Variants in ANKRD6 observed in about 807,000 individuals in gnomAD.
ANKRD6 encodes ankyrin repeat domain 6.
Under a neutral mutation model 82.3 loss-of-function variants are expected in ANKRD6, and 56 were observed. The observed-to-expected ratio is 0.68, with a 90% CI of 0.55 to 0.85. The LOEUF (loss-of-function observed/expected upper bound fraction) is 0.85. Among genes scored for constraint, ANKRD6 ranks in the 40% least tolerant of loss-of-function variants. ANKRD6 has a pLI of 0.00. For synonymous variants in ANKRD6, 347 were observed against 352.1 expected (o/e 0.99, Z 0.16); for missense variants, 852 against 907.6 (o/e 0.94, Z 0.79).
At chr6:89,543,200 A>T (rs1227120599) in intron 1 of ANKRD6, among the ~76,000 whole-genome samples, 1 of 152,210 alleles carries the variant, frequency 6.6e-6, no homozygotes, top group Non-Finnish European at 1.5e-5. Flanking sequence ...TTTATGAGTG[A>T]TGGCTGCCAG....
At chr6:89,545,212 CAAAAAAA>C (rs754348482) in intron 1 of ANKRD6, among the ~76,000 whole-genome samples, 9 of 86,370 alleles carry the variant, frequency 1.0e-4, no homozygotes, top group African/African-American at 1.9e-4. Context: ...GACTCCATCT[CAAAAAAA>C]AAAAAAAAAA....
At chr6:89,438,084 T>A (rs908867710) in intron 1 of ANKRD6, among the ~76,000 whole-genome samples, 1 of 152,262 alleles carries the variant, frequency 6.6e-6, no homozygotes, top group Admixed American at 6.5e-5. Flanking sequence ...CTTATACATA[T>A]GATTCCTCAA....
intron 1 of ANKRD6, among the ~76,000 whole-genome samples, chr6:89,532,025 G>A (rs1041916128): frequency 1.3e-5 from 2 of 152,126 alleles, no homozygotes; most frequent in African/African-American, 4.8e-5. Context: ...CCAATGTTGC[G>A]GATGAAGTCT....
chr6:89,512,071 G>C (rs1250836225), intron 1 of ANKRD6, among the ~76,000 whole-genome samples: 1 of 152,086 alleles, frequency 6.6e-6, no homozygotes, highest in Non-Finnish European at 1.5e-5. Flanking sequence ...AAGCCTGACA[G>C]TTTGGTCTTA....
At chr6:89,620,638 C>G (rs1802871058) in intron 9 of ANKRD6, among the ~76,000 whole-genome samples, 1 of 152,176 alleles carries the variant, frequency 6.6e-6, no homozygotes, top group African/African-American at 2.4e-5. Flanking sequence ...GTTAAACACC[C>G]CCTGCCAATT....
At position 89,552,321 on chromosome 6, in the gene ANKRD6, A is replaced by C. The variant is rs536990504; in HGVS notation, c.-143-14513A>C. 1.6e-3 allele frequency among the ~76,000 whole-genome samples: 248 copies of C among 152,322 alleles called. 1 individual carries two copies. Among genetic ancestry groups the C allele is most frequent in the African/African-American group, 5.6e-3 (232 of 41,570 alleles). ...CCATGGACTGCACATGCACATGGCT[A>C]ATCATCATGTATGATGACATGAGTA... On this transcript the variant is annotated intron_variant, in intron 1 of 15. Transcript: ENST00000339746.
intron 1 of ANKRD6, among the ~76,000 whole-genome samples, chr6:89,479,194 A>C (rs1776471266): frequency 6.6e-6 from 1 of 152,148 alleles, no homozygotes; most frequent in African/African-American, 2.4e-5. Context: ...TAGGTTAGGC[A>C]AGGGTCAGGG....
At chr6:89,602,669 A>G (rs970598906) in intron 3 of ANKRD6, 1 of 200,072 alleles carries the variant, frequency 5.0e-6, no homozygotes, top group African/African-American at 2.3e-5. Context: ...TGCTGCTTTA[A>G]TTGCATAGCA....
chr6:89,507,772 T>C (rs1258254705), intron 1 of ANKRD6, among the ~76,000 whole-genome samples: 4 of 152,244 alleles, frequency 2.6e-5, no homozygotes. Flanking sequence ...CTAATCCTAC[T>C]TTATATATAC....
intron 6 of ANKRD6, among the ~76,000 whole-genome samples, chr6:89,613,338 C>A (rs548051571): frequency 6.6e-5 from 10 of 152,262 alleles, no homozygotes; most frequent in African/African-American, 2.4e-4. Flanking sequence ...GATTTGACAA[C>A]CCCCCTGCTG....
chr6:89,582,704 T>G (rs559003249), intron 2 of ANKRD6, among the ~76,000 whole-genome samples: 3 of 152,092 alleles, frequency 2.0e-5, no homozygotes, highest in African/African-American at 7.2e-5. Flanking sequence ...TGATCCATTT[T>G]AAAGTCTCTC....
At position 89,608,007 on chromosome 6, in the gene ANKRD6, G is replaced by A. The variant is rs189335262; in HGVS notation, c.417+1902G>A. ...AGGCTGGTCTTGAACTCCTGACCCC[G>A]TGATCTGCCCACCTCGGCCTCCCAA... is the stretch of plus-strand genomic sequence containing the variant. On this transcript the variant is annotated intron_variant, in intron 5 of 15. Transcript: ENST00000339746. Among the ~76,000 whole-genome samples the A allele has an allele frequency of 9.8e-4, 149 of 152,162 alleles. 2 individuals are homozygous for A. In the Middle Eastern group the frequency reaches 0.014, roughly 14 times the overall value.
chr6:89,599,452 T>G (rs568700305), intron 3 of ANKRD6, among the ~76,000 whole-genome samples: 1 of 152,334 alleles, frequency 6.6e-6, no homozygotes, highest in East Asian at 1.9e-4. Context: ...CATTTAAGAA[T>G]TTCATGATTG....
At chr6:89,587,774 G>A (rs903169425) in intron 2 of ANKRD6, among the ~76,000 whole-genome samples, 38 of 152,076 alleles carry the variant, frequency 2.5e-4, no homozygotes, top group Admixed American at 2.3e-3. Flanking sequence ...TTCCCTTGCC[G>A]TTTCTTGTCA....
chr6:89,525,097 C>A (rs1782309099), intron 1 of ANKRD6, among the ~76,000 whole-genome samples: 1 of 151,888 alleles, frequency 6.6e-6, no homozygotes, highest in East Asian at 1.9e-4. Flanking sequence ...AGTTCAAGAC[C>A]AACCTGCCCA....
intron 1 of ANKRD6, among the ~76,000 whole-genome samples, chr6:89,451,984 G>A (rs1362800762): frequency 6.6e-6 from 1 of 152,122 alleles, no homozygotes; most frequent in Non-Finnish European, 1.5e-5. Flanking sequence ...AATACATGAG[G>A]CCAGGAGTTC....
At chr6:89,477,954 T>G (rs576541427) in intron 1 of ANKRD6, among the ~76,000 whole-genome samples, 1 of 152,240 alleles carries the variant, frequency 6.6e-6, no homozygotes, top group South Asian at 2.1e-4. Flanking sequence ...ATATGCACAT[T>G]TTCTGATTAT....
intron 2 of ANKRD6, among the ~76,000 whole-genome samples, chr6:89,573,522 G>A (rs1200333722): frequency 6.6e-6 from 1 of 152,112 alleles, no homozygotes; most frequent in Non-Finnish European, 1.5e-5. Context: ...CAGTCATCTT[G>A]AGAAGTCCTT....
chr6:89,481,293 G>A (rs1403491688), intron 1 of ANKRD6, among the ~76,000 whole-genome samples: 1 of 152,114 alleles, frequency 6.6e-6, no homozygotes, highest in African/African-American at 2.4e-5. Context: ...ATATAAATTG[G>A]TTCAAATTGA....
Sources: gnomAD v4.1 joint callset for allele counts (sites outside exome capture counted in the v4.1 genomes callset) on GRCh38, gnomAD v4.1.1 for gene constraint, MANE v1.5 for transcripts, NCBI Gene and HGNC (gene_info 2026-07-23, HGNC 2026-07-21) for gene names.